FLRT2: variants seen among roughly 807,000 people sequenced by gnomAD.
The protein encoded by FLRT2 is fibronectin leucine rich transmembrane protein 2.
A neutral mutation model predicts 40.0 loss-of-function variants in FLRT2; 15 were observed. The observed-to-expected ratio is 0.38, with a 90% confidence interval of 0.25 to 0.58. The LOEUF is 0.58. Ranked by LOEUF, FLRT2 falls within the 20% of genes least tolerant of loss-of-function variation. The probability of loss-of-function intolerance (pLI) is 0.71; values close to 1 mark genes in which losing one functional copy is unlikely to be tolerated. For missense variants in FLRT2, 726 were observed against 840.0 expected, an observed-to-expected ratio of 0.86 and a Z score of 1.68; for synonymous variants, 380 against 336.8, an observed-to-expected ratio of 1.13 and a Z score of -1.41.
At chr14:85,534,043 C>T (rs749287554) in intron 1 of FLRT2, among the ~76,000 whole-genome samples, 1 of 151,594 alleles carries the variant, frequency 6.6e-6, no homozygotes, top group Admixed American at 6.6e-5. Flanking sequence ...GCTGCGCTCC[C>T]GCTTCCTCCC....
intron 1 of FLRT2, among the ~76,000 whole-genome samples, chr14:85,550,023 A>T (rs545869261): frequency 7.3e-6 from 1 of 137,464 alleles, no homozygotes; most frequent in South Asian, 2.5e-4. Flanking sequence ...AACTCTTACA[A>T]CCACTTATTT....
chr14:85,556,837 C>T (rs12879490), intron 1 of FLRT2, among the ~76,000 whole-genome samples: 40,543 of 152,042 alleles, frequency 0.27, 6,454 homozygotes, highest in Middle Eastern at 0.41. Context: ...TCTGTTTTCA[C>T]GCCGCTAATA....
chr14:85,591,187 C>T (rs549660145), intron 1 of FLRT2, among the ~76,000 whole-genome samples: 1 of 152,272 alleles, frequency 6.6e-6, no homozygotes, highest in South Asian at 2.1e-4. Context: ...AAGCATTGTT[C>T]ATTGGAATTA....
chr14:85,602,065 TTTG>T (rs1236881363), intron 1 of FLRT2, among the ~76,000 whole-genome samples: 4 of 152,174 alleles, frequency 2.6e-5, no homozygotes, highest in African/African-American at 4.8e-5. Context: ...GTGAATACAA[TTTG>T]TTATTATTTA....
At chr14:85,551,923 C>T (rs1168800152) in intron 1 of FLRT2, 7 of 152,066 alleles carry the variant, frequency 4.6e-5, no homozygotes, top group Non-Finnish European at 8.8e-5. Context: ...TTCTAGATTT[C>T]CAGAGAGGAA....
At chr14:85,578,827 T>C (rs765348433) in intron 1 of FLRT2, among the ~76,000 whole-genome samples, 2 of 152,134 alleles carry the variant, frequency 1.3e-5, no homozygotes, top group Non-Finnish European at 1.5e-5. Flanking sequence ...TGCCTTGTCA[T>C]GAGAGGAGTT....
intron 1 of FLRT2, among the ~76,000 whole-genome samples, chr14:85,606,979 T>G (rs1398356995): frequency 6.6e-6 from 1 of 151,730 alleles, no homozygotes; most frequent in Non-Finnish European, 1.5e-5. Flanking sequence ...TCATGACATT[T>G]TAATACTACA....
rs777154562 is a variant in FLRT2, at chr14:85,653,086, G to A, written c.*29589G>A. 6 of 152,162 alleles carry A rather than the reference G, an allele frequency of 3.9e-5. No homozygotes were observed. Among genetic ancestry groups the A allele is most frequent in the Non-Finnish European group, 7.3e-5 (5 of 68,032 alleles). 9.4% of individuals were successfully genotyped at this position (152,162 alleles called of 1,614,324 possible). A position where few individuals can be genotyped will look rare whatever the true frequency, so the allele number is the denominator to read the frequency against. Reference sequence around the variant, plus strand: ...GCCATTACCTAAAAGAAAGAAGGCAGCAAATGGTTCCAGACATTTATAATT... The same window carrying A: ...GCCATTACCTAAAAGAAAGAAGGCAACAAATGGTTCCAGACATTTATAATT... On this transcript the variant is annotated 3_prime_UTR_variant, in exon 2 of 2. Transcript: ENST00000330753.
rs569364494 is a variant in FLRT2, at chr14:85,637,030, G to C, written c.*13533G>C. On this transcript the variant is annotated 3_prime_UTR_variant, in exon 2 of 2. Transcript: ENST00000330753. The stretch of plus-strand genomic sequence containing the variant: ...CACATTTTACAAAACAATAATCTAA[G>C]TGGGCAAGTAAATACTGGTGTGACA... 6.7e-6 allele frequency: 1 copy of C among 149,812 alleles called. No individual in the cohort carries two copies. Among genetic ancestry groups the C allele is most frequent in the East Asian group, 2.0e-4 (1 of 5,092 alleles). The allele number at this position is 149,812 out of a possible 1,614,324, so 9.3% of individuals were successfully genotyped here. A position where few individuals can be genotyped will look rare whatever the true frequency, so the allele number is the denominator to read the frequency against.
intron 1 of FLRT2, among the ~76,000 whole-genome samples, chr14:85,557,766 G>A (rs1445166420): frequency 1.3e-5 from 2 of 152,124 alleles, no homozygotes; most frequent in South Asian, 2.1e-4. Context: ...GCAGTGAGCC[G>A]AGATTGCACC....
chr14:85,583,084 A>G (rs1365468998), intron 1 of FLRT2, among the ~76,000 whole-genome samples: 1 of 152,100 alleles, frequency 6.6e-6, no homozygotes, highest in Non-Finnish European at 1.5e-5. Context: ...GTCCTTGTGA[A>G]GGGTTAGGAC....
At chr14:85,581,355 A>G (rs1329125836) in intron 1 of FLRT2, among the ~76,000 whole-genome samples, 1 of 152,236 alleles carries the variant, frequency 6.6e-6, no homozygotes, top group Non-Finnish European at 1.5e-5. Context: ...GGCTCATAAC[A>G]GGATACCACT....
chr14:85,626,924 A>G lies in FLRT2; in HGVS notation c.*3427A>G, dbSNP rs1252089134. ...TCTTAGTCATTTCACACAAATCAGAACTTCCTTCCCCACCAGGGAGGACAA... is the reference window on the plus strand; with the variant it reads ...TCTTAGTCATTTCACACAAATCAGAGCTTCCTTCCCCACCAGGGAGGACAA... On this transcript the variant is annotated 3_prime_UTR_variant, in exon 2 of 2. Coordinates refer to ENST00000330753, the MANE Select transcript of FLRT2 (RefSeq NM_013231.6). 1 of 167,036 alleles carries G rather than the reference A, an allele frequency of 6.0e-6. No homozygotes were observed. Among genetic ancestry groups the G allele is most frequent in the African/African-American group, 2.4e-5 (1 of 41,446 alleles). The allele number at this position is 167,036 out of a possible 1,614,324, so 10.3% of individuals were successfully genotyped here.
intron 1 of FLRT2, among the ~76,000 whole-genome samples, chr14:85,611,921 TGTG>T: frequency 9.1e-6 from 1 of 109,746 alleles, no homozygotes; most frequent in Non-Finnish European, 1.9e-5. Flanking sequence ...CGAAAGCGTG[TGTG>T]TGTGTGTGTG....
chr14:85,649,855 T>G lies in FLRT2; in HGVS notation c.*26358T>G, dbSNP rs2139409531. The G allele has an allele frequency of 6.6e-6, 1 of 152,210 alleles. No individual in the cohort carries two copies. The highest frequency in any genetic ancestry group is 1.5e-5 in the Non-Finnish European group (1 of 67,972). The allele number at this position is 152,210 out of a possible 1,614,324, so 9.4% of individuals were successfully genotyped here. On this transcript the variant is annotated 3_prime_UTR_variant, in exon 2 of 2. Coordinates refer to ENST00000330753, the MANE Select transcript of FLRT2 (RefSeq NM_013231.6). ...GTACATCTTATACACATAAAATACTTTCTCATATTCTGAAGAATGAAGCAT... is the reference window on the plus strand; with the variant it reads ...GTACATCTTATACACATAAAATACTGTCTCATATTCTGAAGAATGAAGCAT...
At chr14:85,596,010 G>T (rs1357566214) in intron 1 of FLRT2, among the ~76,000 whole-genome samples, 1 of 152,182 alleles carries the variant, frequency 6.6e-6, no homozygotes, top group Non-Finnish European at 1.5e-5. Flanking sequence ...CTGCAATTGG[G>T]ATTGGACTGG....
At chr14:85,578,241 G>GTA (rs999024128) in intron 1 of FLRT2, among the ~76,000 whole-genome samples, 9 of 144,640 alleles carry the variant, frequency 6.2e-5, no homozygotes, top group Middle Eastern at 3.7e-3. Flanking sequence ...TATTTTTTAT[G>GTA]TATATATATA....
chr14:85,617,002 A>G (rs1010086550), intron 1 of FLRT2, among the ~76,000 whole-genome samples: 1 of 152,150 alleles, frequency 6.6e-6, no homozygotes, highest in Non-Finnish European at 1.5e-5. Flanking sequence ...AATAAAGCCA[A>G]CTTTCTAAAG....
At chr14:85,554,816 C>T (rs1317539594) in intron 1 of FLRT2, among the ~76,000 whole-genome samples, 1 of 152,166 alleles carries the variant, frequency 6.6e-6, no homozygotes, top group Non-Finnish European at 1.5e-5. Context: ...ACAATTCTGT[C>T]TGTATCATTA....
Sources: gnomAD v4.1 joint callset for allele counts (sites outside exome capture counted in the v4.1 genomes callset) on GRCh38, gnomAD v4.1.1 for gene constraint, MANE v1.5 for transcripts, NCBI Gene and HGNC (gene_info 2026-07-23, HGNC 2026-07-21) for gene names.